The following CADM2 variants were observed in gnomAD, a reference collection of about 807,000 sequenced individuals.
CADM2 encodes immunoglobulin superfamily member 4D.
A neutral mutation model predicts 49.8 loss-of-function variants in CADM2; 12 were observed. That is an observed-to-expected ratio of 0.24 (90% CI 0.15 to 0.39). The LOEUF is 0.39. Among genes scored for constraint, CADM2 ranks in the 10% least tolerant of loss-of-function variants. The probability of loss-of-function intolerance (pLI) is 1.00; values close to 1 mark genes in which losing one functional copy is unlikely to be tolerated. For synonymous variants in CADM2, 214 were observed against 175.4 expected (o/e 1.22, Z -1.74); for missense variants, 378 against 492.3 (o/e 0.77, Z 2.20).
chr3:85,970,592 T>G (rs1428439305), intron 8 of CADM2, among the ~76,000 whole-genome samples: 2 of 151,584 alleles, frequency 1.3e-5, no homozygotes, highest in African/African-American at 4.8e-5. Flanking sequence ...CATTTAATTT[T>G]TATTTAACTA....
At chr3:85,401,040 T>A (rs1232898624) in intron 1 of CADM2, among the ~76,000 whole-genome samples, 1 of 152,182 alleles carries the variant, frequency 6.6e-6, no homozygotes, top group Non-Finnish European at 1.5e-5. Context: ...GTTATGAACT[T>A]CGACATGATG....
chr3:85,493,977 A>G (rs1306652663), intron 1 of CADM2, among the ~76,000 whole-genome samples: 1 of 152,212 alleles, frequency 6.6e-6, no homozygotes, highest in Non-Finnish European at 1.5e-5. Flanking sequence ...ACAGCACAAC[A>G]GCAAGACTGA....
At chr3:85,905,048 T>C (rs894805360) in intron 5 of CADM2, among the ~76,000 whole-genome samples, 1 of 152,152 alleles carries the variant, frequency 6.6e-6, no homozygotes, top group Non-Finnish European at 1.5e-5. Flanking sequence ...AACAGCTAGG[T>C]ATATTTTTAA....
chr3:85,967,109 G>A (rs13070277), intron 8 of CADM2, among the ~76,000 whole-genome samples: 24,451 of 151,444 alleles, frequency 0.16, 1,983 homozygotes, highest in Admixed American at 0.18. Context: ...AACACTCAAA[G>A]ACAGAAAATC....
At chr3:85,480,028 T>C (rs1399225513) in intron 1 of CADM2, among the ~76,000 whole-genome samples, 3 of 151,870 alleles carry the variant, frequency 2.0e-5, no homozygotes, top group Non-Finnish European at 2.9e-5. Context: ...GTGTAGGCCG[T>C]ATAACTTTAA....
At chr3:85,759,826 C>G (rs2069290034) in intron 2 of CADM2, among the ~76,000 whole-genome samples, 1 of 152,054 alleles carries the variant, frequency 6.6e-6, no homozygotes, top group African/African-American at 2.4e-5. Context: ...TGTCCTTTCT[C>G]TACTTTGATG....
At chr3:85,905,099 T>C (rs994044446) in intron 5 of CADM2, among the ~76,000 whole-genome samples, 2 of 152,144 alleles carry the variant, frequency 1.3e-5, no homozygotes, top group East Asian at 1.9e-4. Flanking sequence ...TTTAGTGATA[T>C]TGCCAATCTC....
intron 1 of CADM2, among the ~76,000 whole-genome samples, chr3:85,434,032 A>G (rs2036811753): frequency 6.6e-6 from 1 of 152,050 alleles, no homozygotes; most frequent in African/African-American, 2.4e-5. Context: ...TTGATTTAAA[A>G]CTTACAGTAT....
At chr3:85,087,502 G>A (rs935733367) in intron 1 of CADM2, among the ~76,000 whole-genome samples, 2 of 152,076 alleles carry the variant, frequency 1.3e-5, no homozygotes, top group Non-Finnish European at 2.9e-5. Flanking sequence ...TGTAAATTAT[G>A]GAGTTGTAAT....
chr3:85,316,649 T>A (rs930022546), intron 1 of CADM2, among the ~76,000 whole-genome samples: 2 of 152,150 alleles, frequency 1.3e-5, no homozygotes, highest in Non-Finnish European at 2.9e-5. Context: ...ATTTAATTAA[T>A]TTAATTTTGA....
At chr3:85,928,311 A>G (rs1720155395) in intron 6 of CADM2, among the ~76,000 whole-genome samples, 1 of 152,202 alleles carries the variant, frequency 6.6e-6, no homozygotes, top group East Asian at 1.9e-4. Flanking sequence ...GGCGCATGCC[A>G]TCATGCCCAG....
intron 1 of CADM2, among the ~76,000 whole-genome samples, chr3:85,355,529 AT>A: frequency 6.6e-6 from 1 of 152,176 alleles, no homozygotes; most frequent in African/African-American, 2.4e-5. Context: ...CATTCGGGCC[AT>A]TTTTCATTCA....
intron 3 of CADM2, among the ~76,000 whole-genome samples, chr3:85,815,926 TAA>T (rs2073176018): frequency 6.6e-6 from 1 of 152,164 alleles, no homozygotes; most frequent in African/African-American, 2.4e-5. Flanking sequence ...CTAATATTCT[TAA>T]AGTAAATTTC....
intron 1 of CADM2, among the ~76,000 whole-genome samples, chr3:85,652,010 GT>G (rs1553655253): frequency 1.4e-5 from 1 of 71,980 alleles, no homozygotes; most frequent in Non-Finnish European, 2.9e-5. Context: ...TTAGAGACGG[GT>G]TTTCACCCTG....
At chr3:85,139,644 G>T (rs1055512192) in intron 1 of CADM2, among the ~76,000 whole-genome samples, 1 of 151,956 alleles carries the variant, frequency 6.6e-6, no homozygotes, top group African/African-American at 2.4e-5. Context: ...GTGCAAAGAA[G>T]CTTAAGGAAA....
At chr3:85,907,810 C>G (rs1577628490) in intron 5 of CADM2, among the ~76,000 whole-genome samples, 1 of 151,804 alleles carries the variant, frequency 6.6e-6, no homozygotes, top group East Asian at 1.9e-4. Flanking sequence ...ACTCAGGAGG[C>G]TGAGGCAGGA....
intron 3 of CADM2, among the ~76,000 whole-genome samples, chr3:85,850,393 C>T (rs1397935444): frequency 1.4e-5 from 2 of 142,220 alleles, no homozygotes; most frequent in African/African-American, 2.6e-5. Context: ...GGCGCGATCT[C>T]GGCTCACTGC....
At chr3:85,586,237 A>C (rs1480918166) in intron 1 of CADM2, among the ~76,000 whole-genome samples, 1 of 152,174 alleles carries the variant, frequency 6.6e-6, no homozygotes. Context: ...TTCACAATGG[A>C]GCCTGCTGAG....
intron 1 of CADM2, among the ~76,000 whole-genome samples, chr3:85,098,388 T>C (rs2037884349): frequency 6.6e-6 from 1 of 152,120 alleles, no homozygotes; most frequent in African/African-American, 2.4e-5. Flanking sequence ...TAACTTTCTA[T>C]CTTTAATTTA....
Sources: gnomAD v4.1 joint callset for allele counts (sites outside exome capture counted in the v4.1 genomes callset) on GRCh38, gnomAD v4.1.1 for gene constraint, MANE v1.5 for transcripts, NCBI Gene and HGNC (gene_info 2026-07-23, HGNC 2026-07-21) for gene names.